CSMD1: variants seen among roughly 807,000 people sequenced by gnomAD.
CSMD1 encodes the protein CUB and sushi domain-containing protein 1.
CSMD1 carries 213 observed loss-of-function variants against 417.5 expected under a neutral mutation model. The observed-to-expected ratio is 0.51, with a 90% CI of 0.46 to 0.57. The LOEUF (loss-of-function observed/expected upper bound fraction) is 0.57, where lower values mean the gene tolerates loss of function less well. Among genes scored for constraint, CSMD1 ranks in the 20% least tolerant of loss-of-function variants. The probability of loss-of-function intolerance (pLI) is 0.00; values close to 1 mark genes in which losing one functional copy is unlikely to be tolerated. For synonymous variants in CSMD1, 2,862 were observed against 1,736.8 expected, an observed-to-expected ratio of 1.65 and a Z score of -16.11; for missense variants, 6,923 against 4,529.7, an observed-to-expected ratio of 1.53 and a Z score of -15.17.
At chr8:3,205,399 A>G (rs1461684515) in intron 31 of CSMD1, 105 bp downstream of exon 31, 4 of 621,118 alleles carry the variant, frequency 6.4e-6, no homozygotes, top group African/African-American at 3.7e-5. Flanking sequence ...TTGCTTTTAT[A>G]TGAAATATTT....
chr8:3,075,409 G>C (rs1424426499), intron 49 of CSMD1, among the ~76,000 whole-genome samples: 1 of 151,430 alleles, frequency 6.6e-6, no homozygotes, highest in East Asian at 2.0e-4. Flanking sequence ...AGCCTCCCAA[G>C]TAGCTGGGAT....
In CSMD1 at chr8:3,516,953, G is replaced by C. The variant is rs79917881; in HGVS notation, c.1345-23227C>G. On this transcript the variant is annotated intron_variant, in intron 10 of 69. Coordinates refer to ENST00000635120, the MANE Select transcript of CSMD1 (RefSeq NM_033225.6). ...GCCCGTCAATCAACGAGTGGATAAA[G>C]AGGATGCTTCTGTAAGAATGAGGGT... 5.2e-4 allele frequency among the ~76,000 whole-genome samples: 79 copies of C among 152,342 alleles called. 2 individuals are homozygous for C. The East Asian group carries it at 0.011, about 20-fold the overall frequency.
chr8:3,061,401 T>C (rs13254474), intron 49 of CSMD1, among the ~76,000 whole-genome samples: 71,586 of 152,068 alleles, frequency 0.47, 17,984 homozygotes, highest in Non-Finnish European at 0.56. Context: ...CCTAAATAAA[T>C]ATGAAAGAAT....
rs902006713 is a variant in CSMD1 at position 3,871,777 on chromosome 8, G to A, written c.819-117735C>T. Among the ~76,000 whole-genome samples the A allele has an allele frequency of 5.3e-5, 8 of 152,296 alleles. No individual in the cohort carries two copies. The East Asian group carries it at 1.5e-3, about 29-fold the overall frequency. ...TGGGTAAAATGGTGGATGACATAAA[G>A]ATTAAATGTAAGAGTTGTTGATGTG... is the stretch of plus-strand genomic sequence containing the variant. On this transcript the variant is annotated intron_variant, in intron 5 of 69. Transcript: ENST00000635120.
rs1196770235 is a variant in CSMD1, at chr8:3,361,646, C to T, written c.3116-2306G>A. 2.3e-3 allele frequency among the ~76,000 whole-genome samples: 146 copies of T among 62,976 alleles called. 1 individual carries two copies. Among genetic ancestry groups the T allele is most frequent in the Middle Eastern group, 0.024 (2 of 82 alleles). The allele number at this position is 62,976 out of a possible 152,430, so 41.3% of individuals were successfully genotyped here. ...AAGCCTGGGCAACAGAGCAAGATTC[C>T]ATCTCAAAAAAAAAAAAAAAAAAAA... On this transcript the variant is annotated intron_variant, in intron 20 of 69. Transcript: ENST00000635120.
intron 1 of CSMD1, among the ~76,000 whole-genome samples, chr8:4,799,293 G>C (rs962048635): frequency 3.3e-5 from 5 of 152,156 alleles, no homozygotes; most frequent in African/African-American, 1.2e-4. Context: ...TGGTAAAGAA[G>C]TTTATCAAAG....
intron 3 of CSMD1, among the ~76,000 whole-genome samples, chr8:4,135,994 C>G (rs775371793): frequency 2.0e-5 from 3 of 151,962 alleles, no homozygotes; most frequent in East Asian, 3.9e-4. Flanking sequence ...ATTTTCATCA[C>G]AAATTGAATT....
intron 5 of CSMD1, among the ~76,000 whole-genome samples, chr8:3,989,727 A>C (rs867921761): frequency 1.2e-4 from 19 of 152,362 alleles, no homozygotes; most frequent in Middle Eastern, 3.4e-3. Flanking sequence ...ACTTGTATTT[A>C]CTAAAGTCAT....
At chr8:3,752,104 G>T (rs545850684) in intron 6 of CSMD1, among the ~76,000 whole-genome samples, 1 of 151,924 alleles carries the variant, frequency 6.6e-6, no homozygotes, top group Non-Finnish European at 1.5e-5. Context: ...ACCTCCCACC[G>T]CCAACACGTC....
chr8:3,968,099 A>C (rs929147323), intron 5 of CSMD1, among the ~76,000 whole-genome samples: 4 of 151,566 alleles, frequency 2.6e-5, no homozygotes, highest in African/African-American at 9.7e-5. Flanking sequence ...AGGCAGGAGA[A>C]TGGCGTGAAC....
intron 3 of CSMD1, among the ~76,000 whole-genome samples, chr8:4,201,576 A>G (rs1489574825): frequency 2.4e-5 from 3 of 123,912 alleles, no homozygotes; most frequent in African/African-American, 9.1e-5. Context: ...AAAAAAAAAA[A>G]TCAGAAAACG....
chr8:4,426,927 G>C (rs1416358422), intron 2 of CSMD1, among the ~76,000 whole-genome samples: 2 of 151,874 alleles, frequency 1.3e-5, no homozygotes, highest in East Asian at 3.9e-4. Context: ...TTATATAGAA[G>C]AGAAATTATG....
intron 2 of CSMD1, among the ~76,000 whole-genome samples, chr8:4,452,451 T>C (rs1311432315): frequency 2.6e-5 from 4 of 152,212 alleles, no homozygotes; most frequent in African/African-American, 9.6e-5. Context: ...GCATTAATCC[T>C]GTCAGGCATT....
At chr8:3,715,888 A>G (rs1438093880) in intron 6 of CSMD1, among the ~76,000 whole-genome samples, 1 of 152,036 alleles carries the variant, frequency 6.6e-6, no homozygotes, top group Admixed American at 6.5e-5. Context: ...ACAGACAGGA[A>G]TCTTTCCCTC....
chr8:4,601,173 T>C (rs1800558734), intron 2 of CSMD1, among the ~76,000 whole-genome samples: 1 of 152,202 alleles, frequency 6.6e-6, no homozygotes, highest in South Asian at 2.1e-4. Context: ...CAGGCTGGTC[T>C]CGAACTCCTA....
chr8:4,487,412 A>G (rs1261695827), intron 2 of CSMD1, among the ~76,000 whole-genome samples: 1 of 152,024 alleles, frequency 6.6e-6, no homozygotes, highest in East Asian at 1.9e-4. Flanking sequence ...GAGAACATGC[A>G]GTGTTTGGTT....
intron 1 of CSMD1, among the ~76,000 whole-genome samples, chr8:4,760,111 G>A (rs1212420532): frequency 6.6e-6 from 1 of 152,088 alleles, no homozygotes; most frequent in Non-Finnish European, 1.5e-5. Context: ...ATTCTGACTG[G>A]CATGAGATCT....
At chr8:3,690,184 C>A (rs1241363589) in intron 7 of CSMD1, among the ~76,000 whole-genome samples, 1 of 152,274 alleles carries the variant, frequency 6.6e-6, no homozygotes, top group Admixed American at 6.5e-5. Flanking sequence ...CAGGGCAAGG[C>A]CCTGTCTCTA....
chr8:4,092,256 A>G (rs573898426), intron 3 of CSMD1, among the ~76,000 whole-genome samples: 6 of 152,198 alleles, frequency 3.9e-5, no homozygotes, highest in Non-Finnish European at 8.8e-5. Flanking sequence ...CAAAACCTCC[A>G]TTAATTTGTT....
Sources: allele counts gnomAD v4.1 joint callset (sites outside exome capture counted in the v4.1 genomes callset), GRCh38; gene constraint gnomAD v4.1.1; transcripts MANE v1.5; gene names NCBI Gene and HGNC (gene_info 2026-07-23, HGNC 2026-07-21).